RBFOX1: variants seen among roughly 807,000 people sequenced by gnomAD.
RBFOX1 encodes the protein RNA binding protein fox-1 homolog 1.
In RBFOX1, 8 loss-of-function variants were observed where a neutral mutation model predicts 57.7. The ratio of observed to expected loss-of-function variants is 0.14; its 90% confidence interval spans 0.08 to 0.25. RBFOX1 has a LOEUF of 0.25. Ranked by LOEUF, RBFOX1 falls within the 10% of genes least tolerant of loss-of-function variation. The probability of loss-of-function intolerance (pLI) is 1.00; values close to 1 mark genes in which losing one functional copy is unlikely to be tolerated. For synonymous variants in RBFOX1, 326 were observed against 222.4 expected, an observed-to-expected ratio of 1.47 and a Z score of -4.15; for missense variants, 611 against 548.5, an observed-to-expected ratio of 1.11 and a Z score of -1.14.
chr16:6,704,326 C>T (rs1013225217), intron 3 of RBFOX1: 2 of 152,214 alleles, frequency 1.3e-5, no homozygotes, highest in African/African-American at 4.8e-5. Context: ...ATTCAGACCC[C>T]ACTTTGTAGA....
intron 1 of RBFOX1, among the ~76,000 whole-genome samples, chr16:6,077,922 C>T (rs1233228648): frequency 6.6e-6 from 1 of 152,106 alleles, no homozygotes; most frequent in African/African-American, 2.4e-5. Flanking sequence ...AAGGACTCCT[C>T]TCATGCCACC....
intron 4 of RBFOX1, among the ~76,000 whole-genome samples, chr16:7,304,791 A>G (rs1395405093): frequency 6.6e-6 from 1 of 152,026 alleles, no homozygotes; most frequent in African/African-American, 2.4e-5. Context: ...TTTCGTGGTG[A>G]TCTGAGTCTA....
chr16:7,285,105 T>TTTTTTC (rs2095623449), intron 4 of RBFOX1, among the ~76,000 whole-genome samples: 6 of 135,284 alleles, frequency 4.4e-5, no homozygotes, highest in Non-Finnish European at 9.3e-5. Flanking sequence ...TTTTTTTTTT[T>TTTTTTC]AGCAACCTGT....
chr16:6,778,381 C>T (rs1045442745), intron 3 of RBFOX1, among the ~76,000 whole-genome samples: 1 of 152,120 alleles, frequency 6.6e-6, no homozygotes, highest in African/African-American at 2.4e-5. Context: ...TAATCTATAT[C>T]CCCACTTGTT....
intron 1 of RBFOX1, among the ~76,000 whole-genome samples, chr16:6,123,768 G>T (rs34909676): frequency 0.036 from 5,487 of 152,250 alleles, 183 homozygotes; most frequent in African/African-American, 0.079. Flanking sequence ...AGCCCGGCAT[G>T]TTGGCACATG....
chr16:5,761,845 A>G (rs549059874), intron 3 of RBFOX1, among the ~76,000 whole-genome samples: 4 of 152,248 alleles, frequency 2.6e-5, no homozygotes, highest in African/African-American at 9.6e-5. Flanking sequence ...TGCTGGGGTG[A>G]TATCCCCACT....
At chr16:6,972,823 A>T (rs924315007) in intron 3 of RBFOX1, among the ~76,000 whole-genome samples, 3 of 152,084 alleles carry the variant, frequency 2.0e-5, no homozygotes, top group African/African-American at 7.2e-5. Context: ...TATTTTTTTC[A>T]ATAAAACCAG....
intron 3 of RBFOX1, among the ~76,000 whole-genome samples, chr16:5,811,038 C>G (rs867999697): frequency 3.4e-4 from 52 of 152,218 alleles, no homozygotes; most frequent in African/African-American, 1.2e-3. Context: ...CGCTCCTGCC[C>G]CTCCCTGCTC....
intron 7 of RBFOX1, among the ~76,000 whole-genome samples, chr16:7,588,766 C>G (rs1459659697): frequency 6.6e-6 from 1 of 152,090 alleles, no homozygotes; most frequent in Non-Finnish European, 1.5e-5. Context: ...ATAAAACAAA[C>G]CTTTGATTTT....
At chr16:7,288,835 C>T (rs1431268907) in intron 4 of RBFOX1, among the ~76,000 whole-genome samples, 2 of 152,168 alleles carry the variant, frequency 1.3e-5, no homozygotes, top group Non-Finnish European at 2.9e-5. Flanking sequence ...AGCAAGGCTC[C>T]ATCTCAAAAA....
chr16:6,615,894 C>G (rs77567817), intron 2 of RBFOX1, among the ~76,000 whole-genome samples: 1 of 152,182 alleles, frequency 6.6e-6, no homozygotes, highest in African/African-American at 2.4e-5. Context: ...TCATGTGATA[C>G]GCATCTCCCC....
At chr16:7,501,989 G>C (rs2071058429) in intron 4 of RBFOX1, among the ~76,000 whole-genome samples, 1 of 152,160 alleles carries the variant, frequency 6.6e-6, no homozygotes, top group African/African-American at 2.4e-5. Context: ...ACAATTGCGT[G>C]AGTATCATGC....
intron 3 of RBFOX1, among the ~76,000 whole-genome samples, chr16:7,020,842 C>T (rs768825958): frequency 6.6e-6 from 1 of 152,064 alleles, no homozygotes; most frequent in East Asian, 1.9e-4. Context: ...GAATTTTTCT[C>T]GAGGCCAGTC....
intron 14 of RBFOX1, among the ~76,000 whole-genome samples, chr16:7,680,897 C>G (rs2146694579): frequency 8.4e-6 from 1 of 119,620 alleles, no homozygotes; most frequent in East Asian, 2.2e-4. Flanking sequence ...TCTGCACACA[C>G]ACACGTACAC....
intron 14 of RBFOX1, among the ~76,000 whole-genome samples, chr16:7,685,423 G>A (rs1187365345): frequency 1.3e-5 from 2 of 152,072 alleles, no homozygotes; most frequent in Non-Finnish European, 2.9e-5. Context: ...AGTTATTTAT[G>A]CTAACATCGT....
intron 5 of RBFOX1, among the ~76,000 whole-genome samples, chr16:7,530,288 C>T (rs1182198403): frequency 6.6e-6 from 1 of 152,152 alleles, no homozygotes; most frequent in Non-Finnish European, 1.5e-5. Flanking sequence ...TGCCCTTCCT[C>T]TGTCCATCTC....
intron 2 of RBFOX1, among the ~76,000 whole-genome samples, chr16:6,361,549 A>G (rs1342415860): frequency 6.6e-6 from 1 of 151,152 alleles, no homozygotes; most frequent in Non-Finnish European, 1.5e-5. Flanking sequence ...AATCGCTTGA[A>G]CCCAGGAGGC....
chr16:6,641,190 A>G (rs9921212), intron 2 of RBFOX1, among the ~76,000 whole-genome samples: 44,570 of 152,020 alleles, frequency 0.29, 6,781 homozygotes, highest in Admixed American at 0.33. Context: ...TGCAAACTGC[A>G]TCTTGGCTGT....
At chr16:5,370,424 CAA>C (rs2065828298) in intron 1 of RBFOX1, among the ~76,000 whole-genome samples, 1 of 149,318 alleles carries the variant, frequency 6.7e-6, no homozygotes, top group African/African-American at 2.5e-5. Flanking sequence ...CTGTCTGGGG[CAA>C]AGATGGTTAA....
Sources: allele counts gnomAD v4.1 joint callset (sites outside exome capture counted in the v4.1 genomes callset), GRCh38; gene constraint gnomAD v4.1.1; transcripts MANE v1.5; gene names NCBI Gene and HGNC (gene_info 2026-07-23, HGNC 2026-07-21).